TMC1: variants seen among roughly 807,000 people sequenced by gnomAD.
TMC1 encodes transmembrane channel-like protein 1.
A neutral mutation model predicts 105.8 loss-of-function variants in TMC1; 84 were observed. The ratio of observed to expected loss-of-function variants is 0.79; its 90% CI spans 0.67 to 0.95. TMC1 has a LOEUF of 0.95. Ranked by LOEUF, TMC1 falls within the 40% of genes least tolerant of loss-of-function variation. The probability of loss-of-function intolerance (pLI) is 0.00; values close to 1 mark genes in which losing one functional copy is unlikely to be tolerated. For missense variants in TMC1, 817 were observed against 914.1 expected (o/e 0.89, Z 1.37); for synonymous variants, 315 against 311.5 (o/e 1.01, Z -0.12).
chr9:72,696,042 T>C (rs1826545238), intron 7 of TMC1, among the ~76,000 whole-genome samples: 1 of 152,212 alleles, frequency 6.6e-6, no homozygotes. Flanking sequence ...TGGTATTTCA[T>C]TGAGAAAACA....
intron 1 of TMC1, among the ~76,000 whole-genome samples, chr9:72,547,397 T>A (rs1452568485): frequency 6.6e-6 from 1 of 151,998 alleles, no homozygotes; most frequent in African/African-American, 2.4e-5. Flanking sequence ...ACAGTGGAGT[T>A]TGGAGATTGA....
At position 72,719,850 on chromosome 9, in the gene TMC1, G is replaced by A. The variant is rs142367395; in HGVS notation, c.362+19207G>A. ...TCATCTGCAGAATGGAGAGTATATA[G>A]GCAATTAATGCATCTAGATTTTGTC... On this transcript the variant is annotated intron_variant, in intron 8 of 23. Coordinates refer to ENST00000297784, the MANE Select transcript of TMC1 (RefSeq NM_138691.3). Among the ~76,000 whole-genome samples the A allele has an allele frequency of 3.1e-3, 468 of 152,212 alleles. 1 individual carries two copies. Among genetic ancestry groups the A allele is most frequent in the African/African-American group, 9.9e-3 (409 of 41,520 alleles).
intron 15 of TMC1, 23 bp downstream of exon 15, chr9:72,789,340 T>C (rs1179106960): frequency 1.2e-6 from 2 of 1,607,800 alleles, no homozygotes; most frequent in Non-Finnish European, 1.7e-6. Flanking sequence ...ATGCTTTTTA[T>C]GTGCTTAGAA....
chr9:72,790,789 T>C lies in TMC1; in HGVS notation c.1225-1097T>C, dbSNP rs116306096. Reference sequence around the variant, plus strand: ...TTTGCACAGGATAAGCCAAATTTTCTTTACATTAGTCTAAAATTATAGCAT... The same window carrying C: ...TTTGCACAGGATAAGCCAAATTTTCCTTACATTAGTCTAAAATTATAGCAT... On this transcript the variant is annotated intron_variant, in intron 15 of 23. Transcript: ENST00000297784. 4.1e-3 allele frequency among the ~76,000 whole-genome samples: 621 copies of C among 152,296 alleles called. 4 individuals carry two copies. Among genetic ancestry groups the C allele is most frequent in the African/African-American group, 0.014 (585 of 41,580 alleles).
intron 5 of TMC1, chr9:72,651,121 A>G (rs1263266419): frequency 1.3e-5 from 2 of 148,172 alleles, no homozygotes; most frequent in South Asian, 2.1e-4. Context: ...TAGCACATGT[A>G]TCTATATCAC....
intron 4 of TMC1, among the ~76,000 whole-genome samples, chr9:72,644,855 A>G (rs890266897): frequency 2.0e-5 from 3 of 152,204 alleles, no homozygotes; most frequent in Non-Finnish European, 2.9e-5. Flanking sequence ...ATATGTGTGA[A>G]CAGGAGCTAG....
In TMC1 at chr9:72,656,407, C is replaced by G. The variant is rs1039147731; in HGVS notation, c.16+7743C>G. On this transcript the variant is annotated intron_variant, in intron 5 of 23. Coordinates refer to ENST00000297784, the MANE Select transcript of TMC1 (RefSeq NM_138691.3). ...CTTTTTTTTTGGGCCAATATCTAAT[C>G]TAAAGTTCATCCTATCCAGTATGTT... 2.0e-5 allele frequency among the ~76,000 whole-genome samples: 3 copies of G among 152,116 alleles called. No individual in the cohort carries two copies. The East Asian group carries it at 5.8e-4, about 29-fold the overall frequency.
chr9:72,573,304 T>G (rs1436594163), intron 1 of TMC1, among the ~76,000 whole-genome samples: 1 of 152,098 alleles, frequency 6.6e-6, no homozygotes, highest in Non-Finnish European at 1.5e-5. Flanking sequence ...TTGAGGAAAA[T>G]GAAGGCTAAT....
intron 8 of TMC1, among the ~76,000 whole-genome samples, chr9:72,737,172 G>C (rs1282180477): frequency 6.6e-6 from 1 of 152,052 alleles, no homozygotes; most frequent in South Asian, 2.1e-4. Flanking sequence ...TACGCTGCTT[G>C]GTTTAGCTGG....
intron 13 of TMC1, among the ~76,000 whole-genome samples, chr9:72,780,544 C>T (rs1216441899): frequency 6.6e-6 from 1 of 151,520 alleles, no homozygotes; most frequent in Non-Finnish European, 1.5e-5. Context: ...CCCACAGGCT[C>T]AAAATAAAGA....
At chr9:72,782,580 G>A (rs958463184) in intron 13 of TMC1, among the ~76,000 whole-genome samples, 6 of 152,058 alleles carry the variant, frequency 3.9e-5, no homozygotes, top group African/African-American at 1.4e-4. Context: ...CTGCCCAAAG[G>A]TTCCTAGATC....
intron 1 of TMC1, among the ~76,000 whole-genome samples, chr9:72,540,112 C>T (rs1310692574): frequency 2.0e-5 from 3 of 152,100 alleles, no homozygotes; most frequent in African/African-American, 7.2e-5. Flanking sequence ...CCAGGGAGGT[C>T]ATTAATCTAT....
intron 1 of TMC1, among the ~76,000 whole-genome samples, chr9:72,561,783 C>T (rs1337453099): frequency 6.6e-6 from 1 of 152,180 alleles, no homozygotes; most frequent in East Asian, 1.9e-4. Flanking sequence ...TGCTTCTCTA[C>T]ATTTTAGGCA....
At chr9:72,647,557 T>C (rs373227298) in intron 4 of TMC1, among the ~76,000 whole-genome samples, 1 of 152,224 alleles carries the variant, frequency 6.6e-6, no homozygotes. Context: ...GTATCAGCTG[T>C]CTTCTCTCTT....
intron 10 of TMC1, 109 bp from the exon 11 acceptor site, chr9:72,751,741 C>T (rs748446910): frequency 1.3e-6 from 1 of 751,862 alleles, no homozygotes; most frequent in East Asian, 2.5e-5. Context: ...TAAAAAGGAC[C>T]AATGCCTCAC....
chr9:72,623,147 G>GTTTTTTTTTTTTTCTTTTTTTTTTTT, intron 3 of TMC1, among the ~76,000 whole-genome samples: 1 of 113,678 alleles, frequency 8.8e-6, no homozygotes, highest in Non-Finnish European at 1.7e-5. Context: ...CTCTCTCCCT[G>GTTTTTTTTTTTTTCTTTTTTTTTTTT]TTTTTTTTTT....
chr9:72,770,936 G>T (rs551973258), intron 12 of TMC1, among the ~76,000 whole-genome samples: 15 of 152,258 alleles, frequency 9.9e-5, no homozygotes, highest in Admixed American at 8.5e-4. Flanking sequence ...GCTGGGGAGG[G>T]CAATCTACTT....
intron 9 of TMC1, 25 bp from the exon 10 acceptor site, chr9:72,742,419 C>T: frequency 3.7e-6 from 6 of 1,602,338 alleles, no homozygotes; most frequent in Non-Finnish European, 5.1e-6. Flanking sequence ...TTGGACTTTA[C>T]TTTTGTATTT....
intron 8 of TMC1, 146 bp from the exon 9 acceptor site, chr9:72,739,973 G>A (rs901495459): frequency 3.2e-6 from 2 of 625,238 alleles, no homozygotes; most frequent in Non-Finnish European, 5.5e-6. Flanking sequence ...AAATTTCTAG[G>A]TTATGAAATA....
Sources: allele counts gnomAD v4.1 joint callset (sites outside exome capture counted in the v4.1 genomes callset), GRCh38; gene constraint gnomAD v4.1.1; transcripts MANE v1.5; gene names NCBI Gene and HGNC (gene_info 2026-07-23, HGNC 2026-07-21).